CYB5D2: variants seen among roughly 807,000 people sequenced by gnomAD.
CYB5D2 encodes the protein cytochrome b5 domain containing 2, also known as neuferricin.
In CYB5D2, 23 loss-of-function variants were observed where a neutral mutation model predicts 22.8. The observed-to-expected ratio is 1.01, with a 90% CI of 0.73 to 1.43. The LOEUF is 1.43. Ranked by LOEUF, CYB5D2 falls within the 40% of genes most tolerant of loss-of-function variation. The pLI, the probability that CYB5D2 is intolerant of heterozygous loss-of-function variation, is 0.00. For synonymous variants in CYB5D2, 170 were observed against 152.2 expected (o/e 1.12, Z -0.86); for missense variants, 373 against 357.2 (o/e 1.04, Z -0.36).
intron 2 of CYB5D2, 105 bp downstream of exon 2, chr17:4,150,136 C>CGGGCGCGGTGGCTCACGCCTGT: frequency 7.1e-7 from 1 of 1,417,834 alleles, no homozygotes; most frequent in Non-Finnish European, 9.8e-7. Context: ...GAAAAACAGC[C>CGGGCGCGGTGGCTCACGCCTGT]ATGGATTTGT....
At chr17:4,147,257 C>T (rs1260954235) in intron 1 of CYB5D2, among the ~76,000 whole-genome samples, 1 of 151,440 alleles carries the variant, frequency 6.6e-6, no homozygotes, top group South Asian at 2.1e-4. Flanking sequence ...GGCGATACAG[C>T]GAGACTCTAT....
intron 3 of CYB5D2, 141 bp from the exon 4 acceptor site, chr17:4,156,725 A>C: frequency 1.2e-6 from 1 of 865,808 alleles, no homozygotes; most frequent in Non-Finnish European, 1.8e-6. Flanking sequence ...TCAGGGGCTG[A>C]GCGCTGTAGC....
At chr17:4,150,110 T>C in intron 2 of CYB5D2, 79 bp downstream of exon 2, 1 of 1,545,918 alleles carries the variant, frequency 6.5e-7, no homozygotes, top group Non-Finnish European at 8.8e-7. Flanking sequence ...AGGGATTGGG[T>C]TCAAGCTTAA....
intron 1 of CYB5D2, among the ~76,000 whole-genome samples, chr17:4,146,485 A>G (rs11657169): frequency 0.94 from 142,864 of 152,054 alleles, 67,772 homozygotes; most frequent in East Asian, 1. Context: ...CCGCCTCCTG[A>G]GTTCATGCCA....
Position 4,149,893 on chromosome 17 carries a change from C to T in CYB5D2, c.253C>T (p.Arg85Ter), listed in dbSNP as rs755676677. The stretch of plus-strand genomic sequence containing the variant: ...TGATGGAAACATCTCTGTTCCAGGC[C>T]GAGACGCATCCAGAGCTTTCGTGAC... ...PGSHYSGFAG[R>*]DASRAFVTGD... The change falls in exon 2 of 4, where the codon CGA (arginine) becomes TGA (stop). Residue 85 changes from arginine to a stop codon, truncating the protein, a stop_gained and splice_region_variant. Transcript: ENST00000301391. LOFTEE classifies it high-confidence loss of function. 9.9e-6 allele frequency: 16 copies of T among 1,613,436 alleles called. No individual in the cohort carries two copies. Among genetic ancestry groups the T allele is most frequent in the Non-Finnish European group, 1.3e-5 (15 of 1,179,616 alleles).
At chr17:4,155,896 C>T (rs143150051) in intron 3 of CYB5D2, among the ~76,000 whole-genome samples, 12 of 152,374 alleles carry the variant, frequency 7.9e-5, no homozygotes, top group Admixed American at 7.8e-4. Context: ...CCCTAGTGAA[C>T]TGCGGGGCCC....
chr17:4,144,088 A>G (rs2058943249), intron 1 of CYB5D2, 83 bp downstream of exon 1: 4 of 1,498,398 alleles, frequency 2.7e-6, no homozygotes, highest in Non-Finnish European at 3.5e-6. Context: ...TTCATTATTC[A>G]TCTATTTCCC....
intron 1 of CYB5D2, among the ~76,000 whole-genome samples, chr17:4,149,597 G>T (rs909918619): frequency 6.6e-6 from 1 of 152,036 alleles, no homozygotes; most frequent in African/African-American, 2.4e-5. Context: ...CTGAGGTCAG[G>T]ACAAGCCTGG....
chr17:4,143,792 C>T lies in CYB5D2; in HGVS notation c.37C>T (p.Leu13=). The T allele has an allele frequency of 1.9e-6, 3 of 1,614,058 alleles. No individual in the cohort carries two copies. Among genetic ancestry groups the T allele is most frequent in the Non-Finnish European group, 2.5e-6 (3 of 1,179,992 alleles). Residue 13 remains leucine (L), a synonymous_variant, in exon 1 of 4, where the codon CTG becomes TTG. Coordinates refer to ENST00000301391, the MANE Select transcript of CYB5D2 (RefSeq NM_144611.4). ...CGGAGGCCGTGGGCTTTTGTTGGGC[C>T]TGGCTGTAGCCGCAGCAGCGGTAAT... ...RCGGRGLLLG[L]AVAAAAVMAA...
intron 1 of CYB5D2, among the ~76,000 whole-genome samples, chr17:4,144,537 C>T (rs2058959427): frequency 2.0e-5 from 3 of 152,166 alleles, no homozygotes; most frequent in Non-Finnish European, 4.4e-5. Context: ...TGGTCTGAGT[C>T]ATTCCTGCTT....
chr17:4,144,062 G>A (rs1247592252), intron 1 of CYB5D2, 57 bp downstream of exon 1: 2 of 1,526,028 alleles, frequency 1.3e-6, no homozygotes, highest in Non-Finnish European at 1.8e-6. Flanking sequence ...GTAGCCACCT[G>A]CGCGTCGTTC....
In CYB5D2 at chr17:4,143,456, G is replaced by A. The variant is rs948335087; in HGVS notation, c.-300G>A. On this transcript the variant is annotated 5_prime_UTR_variant, in exon 1 of 4. Coordinates refer to ENST00000301391, the MANE Select transcript of CYB5D2 (RefSeq NM_144611.4). ...CAGGAGAATCGCTTGAACCCGGGAG[G>A]CGGAGGTTGCAGTGAGCCGAGATTC... 2.1e-5 allele frequency: 5 copies of A among 234,464 alleles called. No homozygotes were observed. The South Asian group carries it at 2.3e-4, about 11-fold the overall frequency. The allele number at this position is 234,464 out of a possible 1,614,324, so 14.5% of individuals were successfully genotyped here. A position where few individuals can be genotyped will look rare whatever the true frequency, so the allele number is the denominator to read the frequency against.
chr17:4,150,798 A>C (rs1461096478), intron 2 of CYB5D2: 2 of 152,430 alleles, frequency 1.3e-5, no homozygotes, highest in Admixed American at 1.3e-4. Flanking sequence ...AGGCAGGAGA[A>C]TCGCTTCAGC....
intron 3 of CYB5D2, among the ~76,000 whole-genome samples, chr17:4,155,454 A>G (rs1366184282): frequency 6.6e-6 from 1 of 152,104 alleles, no homozygotes; most frequent in Non-Finnish European, 1.5e-5. Flanking sequence ...AACAGTAACA[A>G]ACAAAAAAAA....
chr17:4,143,731 G>A lies in CYB5D2; in HGVS notation c.-25G>A. 1 of 1,589,188 alleles carries A rather than the reference G, an allele frequency of 6.3e-7. No homozygotes were observed. On this transcript the variant is annotated 5_prime_UTR_variant, in exon 1 of 4. The change creates a new upstream start codon in the 5' untranslated region. Coordinates refer to ENST00000301391, the MANE Select transcript of CYB5D2 (RefSeq NM_144611.4). Reference sequence around the variant, plus strand: ...GTAGATAGAGGCGGCAACCTCGGAAGTGCGGAGCGGGTGGGCCTATATAGA... The same window carrying A: ...GTAGATAGAGGCGGCAACCTCGGAAATGCGGAGCGGGTGGGCCTATATAGA...
Position 4,143,874 on chromosome 17 carries a change from C to A in CYB5D2, c.119C>A (p.Pro40Gln), listed in dbSNP as rs762995711. 1.2e-6 allele frequency: 2 copies of A among 1,613,974 alleles called. No homozygotes were observed. Among genetic ancestry groups the A allele is most frequent in the Admixed American group, 1.7e-5 (1 of 60,014 alleles). ...CGCGCTGGCTTTCGCCTTTTCATAC[C>A]GGAGGAGCTGTCTCGCTACCGCGGC... is the stretch of plus-strand genomic sequence containing the variant. ...GPRAGFRLFI[P>Q]EELSRYRGGP... is the part of the protein sequence containing the mutation. Residue 40 changes from proline to glutamine, a missense_variant, in exon 1 of 4, where the codon CCG becomes CAG. By Grantham distance (76) the Pro-to-Gln change is moderately conservative. Coordinates refer to ENST00000301391, the MANE Select transcript of CYB5D2 (RefSeq NM_144611.4).
intron 3 of CYB5D2, 21 bp from the exon 4 acceptor site, chr17:4,156,845 C>A: frequency 6.2e-7 from 1 of 1,611,842 alleles, no homozygotes; most frequent in Middle Eastern, 2.1e-4. Flanking sequence ...TTTAAGAAGT[C>A]CTCTTTCCGT....
At position 4,157,027 on chromosome 17, in the gene CYB5D2, T is replaced by C. The variant is rs759762314; in HGVS notation, c.740T>C (p.Leu247Ser). ...RNRGDLDHPN[L>S]AEYTGCPPLA... ...CGTGGGGACCTGGACCACCCAAACTTGGCAGAGTACACAGGCTGCCCACCG... is the reference window on the plus strand; with the variant it reads ...CGTGGGGACCTGGACCACCCAAACTCGGCAGAGTACACAGGCTGCCCACCG... The change falls in exon 4 of 4, where the codon TTG becomes TCG. Residue 247 changes from leucine (L) to serine (S), a missense_variant. Physicochemically the swap from Leu to Ser is moderately radical, Grantham distance 145. Transcript: ENST00000301391. This position sits in a 1 kb window ranked among gnomAD's most constrained non-coding sequence, Gnocchi z 4.4. The C allele has an allele frequency of 1.9e-6, 3 of 1,612,646 alleles. No homozygotes were observed.
chr17:4,149,019 C>A lies in CYB5D2; in HGVS notation c.251-872C>A, dbSNP rs529005520. 4.0e-5 allele frequency among the ~76,000 whole-genome samples: 6 copies of A among 151,310 alleles called. No homozygotes were observed. The South Asian group carries it at 1.2e-3, about 31-fold the overall frequency. On this transcript the variant is annotated intron_variant, in intron 1 of 3. Coordinates refer to ENST00000301391, the MANE Select transcript of CYB5D2 (RefSeq NM_144611.4). Reference sequence around the variant, plus strand: ...GCAGGCTGGAGTGCAGTGGCATGGTCATAGCTCAAACCCCTGGGCTCAAGC... The same window carrying A: ...GCAGGCTGGAGTGCAGTGGCATGGTAATAGCTCAAACCCCTGGGCTCAAGC...
Sources: allele counts gnomAD v4.1 joint callset (sites outside exome capture counted in the v4.1 genomes callset), GRCh38; gene constraint gnomAD v4.1.1; non-coding constraint Gnocchi (gnomAD v3.1); transcripts MANE v1.5; gene names NCBI Gene and HGNC (gene_info 2026-07-23, HGNC 2026-07-21).